Variants in PLN observed in about 807,000 individuals in gnomAD.
The protein encoded by PLN is cardiac phospholamban.
In PLN, 1 loss-of-function variant was observed where a neutral mutation model predicts 3.9. The ratio of observed to expected loss-of-function variants is 0.26; its 90% CI spans 0.09 to 1.23. The LOEUF is 1.23. Among genes scored for constraint, PLN ranks in the 50% most tolerant of loss-of-function variants. The probability of loss-of-function intolerance (pLI) is 0.48; values close to 1 mark genes in which losing one functional copy is unlikely to be tolerated. For missense variants in PLN, 59 were observed against 62.7 expected, an observed-to-expected ratio of 0.94 and a Z score of 0.20; for synonymous variants, 21 against 20.5, an observed-to-expected ratio of 1.02 and a Z score of -0.07.
At chr6:118,552,920 A>C (rs1778636114) in intron 1 of PLN, among the ~76,000 whole-genome samples, 2 of 152,020 alleles carry the variant, frequency 1.3e-5, no homozygotes, top group Admixed American at 1.3e-4. Context: ...AATACTCTTG[A>C]TTCTAGGGCC....
intron 1 of PLN, among the ~76,000 whole-genome samples, chr6:118,551,302 T>A (rs1778529056): frequency 6.6e-6 from 1 of 151,782 alleles, no homozygotes; most frequent in African/African-American, 2.4e-5. Context: ...AGGTACTCCA[T>A]CTTTAGTTTT....
intron 1 of PLN, among the ~76,000 whole-genome samples, chr6:118,553,981 A>G (rs988902234): frequency 6.6e-6 from 1 of 152,192 alleles, no homozygotes; most frequent in Admixed American, 6.5e-5. Context: ...TTAATCTGTC[A>G]ATCACAGCAT....
intron 1 of PLN, among the ~76,000 whole-genome samples, chr6:118,550,729 A>G (rs1315196147): frequency 1.3e-5 from 2 of 152,040 alleles, no homozygotes; most frequent in South Asian, 4.1e-4. Flanking sequence ...GACACTGACA[A>G]ACAAAATTTG....
chr6:118,557,537 C>CA (rs1486584385), intron 1 of PLN, among the ~76,000 whole-genome samples: 1 of 152,110 alleles, frequency 6.6e-6, no homozygotes, highest in African/African-American at 2.4e-5. Context: ...AAACAGTGCA[C>CA]ATTAGGTTCA....
rs562026339 is a variant in PLN, at chr6:118,560,150, T to A, written c.*1070T>A. The A allele has an allele frequency of 1.8e-5, 3 of 167,200 alleles. No individual in the cohort carries two copies. The East Asian group carries it at 5.8e-4, about 32-fold the overall frequency. 10.4% of individuals were successfully genotyped at this position (167,200 alleles called of 1,614,324 possible). On this transcript the variant is annotated 3_prime_UTR_variant, in exon 2 of 2. Transcript: ENST00000357525. Reference sequence around the variant, plus strand: ...TATTAGATTATATTTTGAAATGAACTTGTTGGCCCATCTATTACATCTACA... The same window carrying A: ...TATTAGATTATATTTTGAAATGAACATGTTGGCCCATCTATTACATCTACA...
In PLN at chr6:118,559,831, GT is replaced by G. The variant is rs1779118606; in HGVS notation, c.*752del. 1 of 167,100 alleles carries G rather than the reference GT, an allele frequency of 6.0e-6. No homozygotes were observed. The highest frequency in any genetic ancestry group is 2.4e-5 in the African/African-American group (1 of 41,410). 10.4% of individuals were successfully genotyped at this position (167,100 alleles called of 1,614,324 possible). A position where few individuals can be genotyped will look rare whatever the true frequency, so the allele number is the denominator to read the frequency against. On this transcript the variant is annotated 3_prime_UTR_variant, in exon 2 of 2. Coordinates refer to ENST00000357525, the MANE Select transcript of PLN (RefSeq NM_002667.5). ...ACATATGATCAACAGATGAGAACTG[GT>G]GGTTAATATGTGACAGTGAGATTAG... is the stretch of plus-strand genomic sequence containing the variant.
At chr6:118,555,607 CA>C (rs1333153080) in intron 1 of PLN, among the ~76,000 whole-genome samples, 10 of 152,210 alleles carry the variant, frequency 6.6e-5, no homozygotes, top group African/African-American at 2.4e-4. Flanking sequence ...AGAATTCAAA[CA>C]AAAGTCATTA....
At position 118,561,153 on chromosome 6, in the gene PLN, A is replaced by G. The variant is rs1779200745; in HGVS notation, c.*2073A>G. 6.6e-6 allele frequency among the ~76,000 whole-genome samples: 1 copy of G among 152,166 alleles called. No homozygotes were observed. Among genetic ancestry groups the G allele is most frequent in the South Asian group, 2.1e-4 (1 of 4,832 alleles). ...ATATCTGAAGAACAGAAGGGCAGAG[A>G]TTTCTTAAGTGACGCCTCATCTACA... On this transcript the variant is annotated 3_prime_UTR_variant, in exon 2 of 2. Coordinates refer to ENST00000357525, the MANE Select transcript of PLN (RefSeq NM_002667.5).
At chr6:118,557,898 T>G (rs1778971431) in intron 1 of PLN, among the ~76,000 whole-genome samples, 1 of 152,138 alleles carries the variant, frequency 6.6e-6, no homozygotes, top group African/African-American at 2.4e-5. Context: ...ATTCCATGTT[T>G]TTAATAGACC....
At position 118,559,531 on chromosome 6, in the gene PLN, A is replaced by G. The variant is rs1486841679; in HGVS notation, c.*451A>G. The stretch of plus-strand genomic sequence containing the variant: ...CAGGTCTTCACCAAGTATCAAAGTA[A>G]TAACACAAATGAAGTGTCATTATTC... On this transcript the variant is annotated 3_prime_UTR_variant, in exon 2 of 2. Coordinates refer to ENST00000357525, the MANE Select transcript of PLN (RefSeq NM_002667.5). 5.0e-6 allele frequency: 1 copy of G among 200,728 alleles called. No homozygotes were observed. The highest frequency in any genetic ancestry group is 2.4e-5 in the African/African-American group (1 of 41,868). The allele number at this position is 200,728 out of a possible 1,614,324, so 12.4% of individuals were successfully genotyped here.
intron 1 of PLN, among the ~76,000 whole-genome samples, chr6:118,551,979 T>C (rs989382387): frequency 5.9e-5 from 9 of 152,042 alleles, no homozygotes; most frequent in African/African-American, 1.4e-4. Flanking sequence ...CATTCACTTA[T>C]GGCTTATCAG....
intron 1 of PLN, among the ~76,000 whole-genome samples, chr6:118,555,355 G>A (rs905404428): frequency 2.0e-5 from 3 of 150,944 alleles, no homozygotes; most frequent in Non-Finnish European, 4.4e-5. Context: ...GTGAACCCGG[G>A]AGGTGGAGCT....
chr6:118,556,612 A>G (rs1474455475), intron 1 of PLN, among the ~76,000 whole-genome samples: 1 of 152,188 alleles, frequency 6.6e-6, no homozygotes, highest in Non-Finnish European at 1.5e-5. Flanking sequence ...GGAATGGGCT[A>G]ACAGGTTGAG....
chr6:118,556,459 C>T (rs1213526980), intron 1 of PLN, among the ~76,000 whole-genome samples: 1 of 152,160 alleles, frequency 6.6e-6, no homozygotes, highest in Admixed American at 6.5e-5. Flanking sequence ...AAGTTGAACA[C>T]TACAGAATCT....
chr6:118,554,366 C>T (rs1183187535), intron 1 of PLN, among the ~76,000 whole-genome samples: 8 of 152,208 alleles, frequency 5.3e-5, no homozygotes, highest in South Asian at 4.1e-4. Context: ...AAGCTGGTCT[C>T]GAACTCCTGG....
intron 1 of PLN, among the ~76,000 whole-genome samples, chr6:118,553,802 C>T (rs1583033994): frequency 6.6e-6 from 1 of 152,174 alleles, no homozygotes; most frequent in East Asian, 1.9e-4. Context: ...TTCACAAATA[C>T]TAAAAACCCA....
intron 1 of PLN, among the ~76,000 whole-genome samples, chr6:118,551,542 T>C (rs1275888984): frequency 6.6e-6 from 1 of 151,938 alleles, no homozygotes; most frequent in Non-Finnish European, 1.5e-5. Flanking sequence ...TAAAAAACAA[T>C]AATGAAGGCA....
Position 118,558,626 on chromosome 6 carries a change from TACACACACACACAC to T in PLN, c.-97-177_-97-164del, listed in dbSNP as rs371775061. 8.6e-4 allele frequency among the ~76,000 whole-genome samples: 96 copies of T among 111,658 alleles called. 1 individual carries two copies. The South Asian group carries it at 0.016, about 18-fold the overall frequency. The allele number at this position is 111,658 out of a possible 152,430, so 73.3% of individuals were successfully genotyped here. ...ACAGACACATAGAAACACGTGCACA[TACACACACACACAC>T]ACACACACACACACACACACAGAGA... On this transcript the variant is annotated intron_variant, in intron 1 of 1. Transcript: ENST00000357525.
intron 1 of PLN, among the ~76,000 whole-genome samples, chr6:118,556,682 T>C (rs1036653804): frequency 6.6e-6 from 1 of 152,162 alleles, no homozygotes; most frequent in Non-Finnish European, 1.5e-5. Context: ...ACACCTGGGG[T>C]AAGGTAGTAA....
Sources: allele counts gnomAD v4.1 joint callset (sites outside exome capture counted in the v4.1 genomes callset), GRCh38; gene constraint gnomAD v4.1.1; transcripts MANE v1.5; gene names NCBI Gene and HGNC (gene_info 2026-07-23, HGNC 2026-07-21).